Variants in MARCHF4 observed in about 807,000 individuals in gnomAD.
MARCHF4 encodes the protein E3 ubiquitin-protein ligase MARCHF4.
A neutral mutation model predicts 43.9 loss-of-function variants in MARCHF4; 14 were observed. The observed-to-expected ratio is 0.32, with a 90% CI of 0.21 to 0.50. The LOEUF (loss-of-function observed/expected upper bound fraction) is 0.50. Ranked by LOEUF, MARCHF4 falls within the 20% of genes least tolerant of loss-of-function variation. The pLI, the probability that MARCHF4 is intolerant of heterozygous loss-of-function variation, is 0.98. For synonymous variants in MARCHF4, 226 were observed against 213.3 expected (o/e 1.06, Z -0.52); for missense variants, 468 against 536.7 (o/e 0.87, Z 1.27).
intron 1 of MARCHF4, among the ~76,000 whole-genome samples, chr2:216,343,966 G>T (rs16855931): frequency 0.088 from 13,422 of 152,190 alleles, 2,004 homozygotes; most frequent in African/African-American, 0.31. Flanking sequence ...GACCTAGTGA[G>T]AATTGATCCA....
chr2:216,328,407 C>T (rs1456355068), intron 1 of MARCHF4, among the ~76,000 whole-genome samples: 1 of 152,132 alleles, frequency 6.6e-6, no homozygotes, highest in African/African-American at 2.4e-5. Context: ...CCTCGTGATT[C>T]GCCCAACAAT....
intron 1 of MARCHF4, among the ~76,000 whole-genome samples, chr2:216,339,925 G>T (rs1272729927): frequency 6.6e-6 from 1 of 151,962 alleles, no homozygotes; most frequent in East Asian, 1.9e-4. Context: ...TCCTGCTGGG[G>T]TGACTGGAAA....
intron 1 of MARCHF4, among the ~76,000 whole-genome samples, chr2:216,300,344 A>ATATATG (rs1291013698): frequency 1.5e-5 from 2 of 134,926 alleles, no homozygotes; most frequent in Non-Finnish European, 3.1e-5. Flanking sequence ...CTCGATATAT[A>ATATATG]TATATGTATA....
At chr2:216,349,493 A>C (rs1475959088) in intron 1 of MARCHF4, among the ~76,000 whole-genome samples, 1 of 152,216 alleles carries the variant, frequency 6.6e-6, no homozygotes, top group Non-Finnish European at 1.5e-5. Flanking sequence ...GAGGTTTCAC[A>C]GGTACATAGT....
Position 216,277,845 on chromosome 2 carries a change from G to T in MARCHF4, c.692C>A (p.Thr231Lys), listed in dbSNP as rs751762461. The T allele has an allele frequency of 6.2e-7, 1 of 1,611,780 alleles. No homozygotes were observed. The highest frequency in any genetic ancestry group is 8.5e-7 in the Non-Finnish European group (1 of 1,178,090). ...TGCAACCTGAACCTTCTCAATGACC[G>T]TCAGAGAGATGGCCTGCCACTGCAG... ...NPLQWQAISL[T>K]VIEKVQVAAA... Residue 231 changes from threonine to lysine, a missense_variant, in exon 3 of 4, where the codon ACG becomes AAG. Physicochemically the swap from Thr to Lys is moderately conservative, Grantham distance 78. This residue lies in a region of MARCHF4 where 158 missense variants were observed against 251.1 expected (regional missense o/e 0.63). Transcript: ENST00000273067.
intron 2 of MARCHF4, among the ~76,000 whole-genome samples, chr2:216,282,891 T>A (rs1203411710): frequency 6.6e-6 from 1 of 152,214 alleles, no homozygotes; most frequent in Non-Finnish European, 1.5e-5. Flanking sequence ...TGCCTCCCTC[T>A]CCTGTTTCTT....
chr2:216,336,770 T>G (rs1352808628), intron 1 of MARCHF4, among the ~76,000 whole-genome samples: 1 of 80,446 alleles, frequency 1.2e-5, no homozygotes, highest in African/African-American at 4.4e-5. Flanking sequence ...AAAAAAAAGC[T>G]TTCTGGAAAG....
chr2:216,263,751 G>A (rs896920894), intron 3 of MARCHF4, among the ~76,000 whole-genome samples: 43 of 152,092 alleles, frequency 2.8e-4, no homozygotes, highest in Admixed American at 2.6e-3. Context: ...TGAGGGAAAC[G>A]GTGTTCTCAG....
chr2:216,340,911 G>C (rs1692227012), intron 1 of MARCHF4, among the ~76,000 whole-genome samples: 1 of 152,172 alleles, frequency 6.6e-6, no homozygotes, highest in Non-Finnish European at 1.5e-5. Flanking sequence ...CCTTGTCCAA[G>C]GTCACACAGC....
At chr2:216,335,412 C>T (rs1486438787) in intron 1 of MARCHF4, among the ~76,000 whole-genome samples, 1 of 152,154 alleles carries the variant, frequency 6.6e-6, no homozygotes, top group Non-Finnish European at 1.5e-5. Context: ...AAAAATTTAA[C>T]AATTTAATGG....
Position 216,277,801 on chromosome 2 carries a change from G to A in MARCHF4, c.736C>T (p.Leu246Phe), listed in dbSNP as rs1302777598. The A allele has an allele frequency of 4.3e-6, 7 of 1,614,032 alleles. 1 individual carries two copies. In the African/African-American group the frequency reaches 5.3e-5, roughly 12 times the overall value. The change falls in exon 3 of 4, where the codon CTC becomes TTC. Residue 246 changes from leucine (L) to phenylalanine (F), a missense_variant. By Grantham distance (22) the Leu-to-Phe change is conservative. This residue lies in a region of MARCHF4 where 158 missense variants were observed against 251.1 expected (regional missense o/e 0.63). Coordinates refer to ENST00000273067, the MANE Select transcript of MARCHF4 (RefSeq NM_020814.3). ...VQVAAAILGSLFLIASISWLI... is the reference protein window; with the variant it reads ...VQVAAAILGSFFLIASISWLI... The stretch of plus-strand genomic sequence containing the variant: ...CAAGAAATACTGGCGATGAGGAAGA[G>A]GGAGCCCAGGATGGCGGCTGCAACC...
At chr2:216,276,344 T>A (rs986363173) in intron 3 of MARCHF4, among the ~76,000 whole-genome samples, 1 of 145,086 alleles carries the variant, frequency 6.9e-6, no homozygotes, top group Non-Finnish European at 1.5e-5. Flanking sequence ...GGAAAGAAAT[T>A]AGAATGCATC....
At chr2:216,302,897 CAAA>C (rs201503998) in intron 1 of MARCHF4, among the ~76,000 whole-genome samples, 2 of 78,348 alleles carry the variant, frequency 2.6e-5, no homozygotes, top group African/African-American at 8.1e-5. Context: ...GACTCTGTAT[CAAA>C]AAAAAAAAAA....
rs997390253 is a variant in MARCHF4, at chr2:216,258,302, C to T, written c.*1010G>A. On this transcript the variant is annotated 3_prime_UTR_variant, in exon 4 of 4. Transcript: ENST00000273067. Reference sequence around the variant, plus strand: ...ACCACTGCAGCTGCTCTCTTGGAAGCCCGTAGGTCAGGGGTGCCCTACCGT... The same window carrying T: ...ACCACTGCAGCTGCTCTCTTGGAAGTCCGTAGGTCAGGGGTGCCCTACCGT... 4 of 152,624 alleles carry T rather than the reference C, an allele frequency of 2.6e-5. No homozygotes were observed. The highest frequency in any genetic ancestry group is 6.5e-5 in the Admixed American group (1 of 15,288). 9.5% of individuals were successfully genotyped at this position (152,624 alleles called of 1,614,324 possible).
chr2:216,262,982 G>A (rs992787813), intron 3 of MARCHF4, among the ~76,000 whole-genome samples: 1 of 152,170 alleles, frequency 6.6e-6, no homozygotes, highest in African/African-American at 2.4e-5. Context: ...AAATGCCTCC[G>A]GGGTACAGGC....
rs537022232 is a variant in MARCHF4, at chr2:216,283,836, G to A, written c.517-107C>T. On this transcript the variant is annotated intron_variant, in intron 1 of 3. Transcript: ENST00000273067. ...CAGCCTGGTTTGAGCCACCCAAGTA[G>A]GCCACAGGCTTTGTTTGGGGGCACC... The A allele has an allele frequency of 4.1e-6, 5 of 1,230,342 alleles. No individual in the cohort carries two copies. In the Admixed American group the frequency reaches 1.3e-4, roughly 31 times the overall value. The allele number at this position is 1,230,342 out of a possible 1,614,324, so 76.2% of individuals were successfully genotyped here.
intron 1 of MARCHF4, among the ~76,000 whole-genome samples, chr2:216,287,962 AT>A (rs980683973): frequency 1.1e-4 from 16 of 149,464 alleles, no homozygotes; most frequent in Non-Finnish European, 1.3e-4. Context: ...AATTGTAAGG[AT>A]TTTTTTTTTC....
At chr2:216,343,680 CTCT>C (rs1307304682) in intron 1 of MARCHF4, among the ~76,000 whole-genome samples, 2 of 152,092 alleles carry the variant, frequency 1.3e-5, no homozygotes, top group African/African-American at 4.8e-5. Context: ...CTCCATATTC[CTCT>C]GATTCTGAGA....
At position 216,370,242 on chromosome 2, in the gene MARCHF4, C is replaced by G; in HGVS notation, c.19G>C (p.Gly7Arg). 1 of 1,604,474 alleles carries G rather than the reference C, an allele frequency of 6.2e-7. No individual in the cohort carries two copies. The highest frequency in any genetic ancestry group is 8.5e-7 in the Non-Finnish European group (1 of 1,173,416). Residue 7 changes from glycine to arginine, a missense_variant, in exon 1 of 4, where the codon GGG (glycine) becomes CGG (arginine). By Grantham distance (125) the Gly-to-Arg change is moderately radical (BLOSUM62 -2). Around this residue, in one of 3 missense-constraint regions of MARCHF4, gnomAD observed 190 missense variants for 158.5 expected, o/e 1.20. Coordinates refer to ENST00000273067, the MANE Select transcript of MARCHF4 (RefSeq NM_020814.3). The part of the protein sequence containing the change: MLMPLC[G>R]LLWWWWCCCS... ...CAGCACCACCACCACCAGAGCAGCCCACACAGGGGCATCAGCATGTGCCCC... is the reference window on the plus strand; with the variant it reads ...CAGCACCACCACCACCAGAGCAGCCGACACAGGGGCATCAGCATGTGCCCC...
Sources: allele counts gnomAD v4.1 joint callset (sites outside exome capture counted in the v4.1 genomes callset), GRCh38; gene constraint gnomAD v4.1.1; regional missense constraint gnomAD v4.1.1; transcripts MANE v1.5; gene names NCBI Gene and HGNC (gene_info 2026-07-23, HGNC 2026-07-21).